BCL11A: variants seen among roughly 807,000 people sequenced by gnomAD.
The protein encoded by BCL11A is BCL11 transcription factor A, also known as B cell CLL/lymphoma 11A.
In BCL11A, 2 loss-of-function variants were observed where a neutral mutation model predicts 55.9. The ratio of observed to expected loss-of-function variants is 0.04; its 90% CI spans 0.01 to 0.11. The LOEUF is 0.11. Ranked by LOEUF, BCL11A falls within the 10% of genes least tolerant of loss-of-function variation. The pLI is 1.00. For missense variants in BCL11A, 817 were observed against 1,137.1 expected (o/e 0.72, Z 4.05); for synonymous variants, 465 against 473.4 (o/e 0.98, Z 0.23).
Position 60,457,296 on chromosome 2 carries a change from A to G in BCL11A, c.*3108T>C. 1 of 1,019,050 alleles carries G rather than the reference A, an allele frequency of 9.8e-7. No individual in the cohort carries two copies. The highest frequency in any genetic ancestry group is 1.2e-6 in the Non-Finnish European group (1 of 849,416). 63.1% of individuals were successfully genotyped at this position (1,019,050 alleles called of 1,614,324 possible). On this transcript the variant is annotated 3_prime_UTR_variant, in exon 4 of 4. Transcript: ENST00000642384. The stretch of plus-strand genomic sequence containing the variant: ...AAAAACACAGACAGTGGTTTTTCCA[A>G]TAGAACTTAACAAAGACCAGAAACA...
chr2:60,458,083 C>T lies in BCL11A; in HGVS notation c.*2321G>A. On this transcript the variant is annotated 3_prime_UTR_variant, in exon 4 of 4. Coordinates refer to ENST00000642384, the MANE Select transcript of BCL11A (RefSeq NM_022893.4). ...GGTACATTGATACCTTTTAAGAGAACAAGCAACAGTTAAAAATACAAGCTT... is the reference window on the plus strand; with the variant it reads ...GGTACATTGATACCTTTTAAGAGAATAAGCAACAGTTAAAAATACAAGCTT... The T allele has an allele frequency of 9.7e-7, 1 of 1,029,352 alleles. No homozygotes were observed. The highest frequency in any genetic ancestry group is 1.2e-6 in the Non-Finnish European group (1 of 857,296). The allele number at this position is 1,029,352 out of a possible 1,614,324, so 63.8% of individuals were successfully genotyped here.
chr2:60,502,780 G>A (rs1465930971), intron 2 of BCL11A, among the ~76,000 whole-genome samples: 1 of 152,136 alleles, frequency 6.6e-6, no homozygotes, highest in Non-Finnish European at 1.5e-5. Context: ...GCACTCAATT[G>A]GTGATCAAAA....
chr2:60,542,499 T>C (rs1361048676), intron 2 of BCL11A: 1 of 152,234 alleles, frequency 6.6e-6, no homozygotes, highest in African/African-American at 2.4e-5. Flanking sequence ...TGAGGGTGGA[T>C]ATTTGACACA....
chr2:60,465,160 G>A (rs955847758), intron 3 of BCL11A, among the ~76,000 whole-genome samples: 1 of 152,152 alleles, frequency 6.6e-6, no homozygotes, highest in Non-Finnish European at 1.5e-5. Flanking sequence ...ATATTACAGT[G>A]CTCACAGATT....
intron 2 of BCL11A, among the ~76,000 whole-genome samples, chr2:60,475,114 G>C (rs1677503274): frequency 6.6e-6 from 1 of 152,174 alleles, no homozygotes; most frequent in African/African-American, 2.4e-5. Context: ...GCCCAAGGTG[G>C]GCACAGAGTA....
rs754649692 is a variant in BCL11A, at chr2:60,458,571, A to T, written c.*1833T>A. 215 of 1,037,620 alleles carry T rather than the reference A, an allele frequency of 2.1e-4. No homozygotes were observed. The highest frequency in any genetic ancestry group is 1.8e-4 in the Non-Finnish European group (156 of 861,578). The allele number at this position is 1,037,620 out of a possible 1,614,324, so 64.3% of individuals were successfully genotyped here. A position where few individuals can be genotyped will look rare whatever the true frequency, so the allele number is the denominator to read the frequency against. ...TTGCAATGTTGCGTCCAAGTAAGTAAGCTCAATAGTCAAGTAAATGGCTGG... is the reference window on the plus strand; with the variant it reads ...TTGCAATGTTGCGTCCAAGTAAGTATGCTCAATAGTCAAGTAAATGGCTGG... On this transcript the variant is annotated 3_prime_UTR_variant, in exon 4 of 4. Transcript: ENST00000642384.
At chr2:60,506,142 A>G (rs1375057379) in intron 2 of BCL11A, among the ~76,000 whole-genome samples, 1 of 152,194 alleles carries the variant, frequency 6.6e-6, no homozygotes, top group Non-Finnish European at 1.5e-5. Context: ...CACCATAGAA[A>G]TCACAGAGAG....
chr2:60,542,239 C>T (rs1669954911), intron 2 of BCL11A: 3 of 196,964 alleles, frequency 1.5e-5, no homozygotes, highest in Non-Finnish European at 3.1e-5. Context: ...TCTCTAGTCT[C>T]TCAAAAAGCT....
chr2:60,518,350 T>C (rs1270846928), intron 2 of BCL11A, among the ~76,000 whole-genome samples: 1 of 152,190 alleles, frequency 6.6e-6, no homozygotes, highest in Non-Finnish European at 1.5e-5. Flanking sequence ...TGTTACAGCC[T>C]GTCATGAAGC....
intron 2 of BCL11A, among the ~76,000 whole-genome samples, chr2:60,540,996 A>G (rs76225575): frequency 5.7e-5 from 6 of 104,654 alleles, no homozygotes; most frequent in African/African-American, 1.6e-4. Context: ...GTGTGTGGTT[A>G]TTTTGTTTTT....
chr2:60,523,942 T>C (rs1304540991), intron 2 of BCL11A, among the ~76,000 whole-genome samples: 1 of 152,216 alleles, frequency 6.6e-6, no homozygotes, highest in Admixed American at 6.5e-5. Flanking sequence ...TAATGGACTA[T>C]CCCATCTTAA....
chr2:60,519,209 G>T (rs1286518217), intron 2 of BCL11A, among the ~76,000 whole-genome samples: 1 of 152,152 alleles, frequency 6.6e-6, no homozygotes, highest in Admixed American at 6.5e-5. Flanking sequence ...GCAAGAAAGG[G>T]AACCTGAGGA....
chr2:60,541,970 T>C (rs1254182013), intron 2 of BCL11A: 1 of 684,832 alleles, frequency 1.5e-6, no homozygotes, highest in Non-Finnish European at 2.7e-6. Context: ...GGTAAGTTCA[T>C]TTTCTAAATT....
At chr2:60,479,148 C>G (rs1469666266) in intron 2 of BCL11A, among the ~76,000 whole-genome samples, 1 of 152,194 alleles carries the variant, frequency 6.6e-6, no homozygotes, top group East Asian at 1.9e-4. Flanking sequence ...GTTCTTGGCT[C>G]TACTAATTCT....
chr2:60,468,408 G>C (rs992961064), intron 3 of BCL11A, among the ~76,000 whole-genome samples: 6 of 152,166 alleles, frequency 3.9e-5, no homozygotes, highest in Non-Finnish European at 8.8e-5. Flanking sequence ...CCACAGGAGT[G>C]AATGTCCAGT....
At chr2:60,496,989 T>C (rs534530786) in intron 2 of BCL11A, among the ~76,000 whole-genome samples, 2 of 152,226 alleles carry the variant, frequency 1.3e-5, no homozygotes, top group South Asian at 2.1e-4. Context: ...TACTTCACGA[T>C]AAATCTGGAT....
intron 2 of BCL11A, among the ~76,000 whole-genome samples, chr2:60,521,928 C>T (rs1669015361): frequency 6.6e-6 from 1 of 152,170 alleles, no homozygotes; most frequent in Non-Finnish European, 1.5e-5. Flanking sequence ...GGGGACAGTG[C>T]ACAGTACAGA....
chr2:60,467,060 ATGGTGGTGGCAGTGGTGG>A (rs1287952071), intron 3 of BCL11A, among the ~76,000 whole-genome samples: 1 of 149,030 alleles, frequency 6.7e-6, no homozygotes, highest in African/African-American at 2.5e-5. Flanking sequence ...GAACAAGTAA[ATGGTGGTGGCAGTGGTGG>A]TGGTGGTGGT....
At chr2:60,514,495 TAAAAAAAAAAA>T (rs58972358) in intron 2 of BCL11A, among the ~76,000 whole-genome samples, 1 of 119,346 alleles carries the variant, frequency 8.4e-6, no homozygotes, top group East Asian at 2.5e-4. Flanking sequence ...CATCTCTACT[TAAAAAAAAAAA>T]AAAAAAAAAA....
Sources: allele counts gnomAD v4.1 joint callset (sites outside exome capture counted in the v4.1 genomes callset), GRCh38; gene constraint gnomAD v4.1.1; transcripts MANE v1.5; gene names NCBI Gene and HGNC (gene_info 2026-07-23, HGNC 2026-07-21).